Variants in ANK3 observed in about 807,000 individuals in gnomAD.
The protein encoded by ANK3 is ankyrin-3.
A neutral mutation model predicts 370.9 loss-of-function variants in ANK3; 57 were observed. The observed-to-expected ratio is 0.15, with a 90% CI of 0.12 to 0.19. ANK3 has a LOEUF of 0.19. Among genes scored for constraint, ANK3 ranks in the 10% least tolerant of loss-of-function variants. The pLI is 1.00. For missense variants in ANK3, 4,439 were observed against 5,302.1 expected (o/e 0.84, Z 5.06); for synonymous variants, 1,929 against 1,946.3 (o/e 0.99, Z 0.23).
In ANK3 at chr10:60,073,666, A is replaced by G; in HGVS notation, c.7215T>C (p.Ser2405=). 2 of 1,614,058 alleles carry G rather than the reference A, an allele frequency of 1.2e-6. No individual in the cohort carries two copies. The highest frequency in any genetic ancestry group is 1.7e-6 in the Non-Finnish European group (2 of 1,179,986). The change falls in exon 37 of 44, where the codon TCT becomes TCC. Residue 2405 remains serine (S), a synonymous_variant. Transcript: ENST00000280772. ...TGTTTACTCTGGAAGACTCCAGATA[A>G]GAAGGCAATGACTCTTCAGCAGTAA... ...EELTAEESLP[S]YLESSRVNTP...
intron 2 of ANK3, among the ~76,000 whole-genome samples, chr10:60,552,957 G>A (rs1287882646): frequency 6.6e-6 from 1 of 152,184 alleles, no homozygotes; most frequent in Non-Finnish European, 1.5e-5. Flanking sequence ...CATGTAAGAT[G>A]TGACTTGCTC....
intron 2 of ANK3, among the ~76,000 whole-genome samples, chr10:60,526,661 A>G (rs1176410806): frequency 6.6e-6 from 1 of 152,156 alleles, no homozygotes. Context: ...TGCCAAATTA[A>G]TATTTTCTAC....
chr10:60,488,053 A>C (rs1342893109), intron 2 of ANK3, among the ~76,000 whole-genome samples: 1 of 152,284 alleles, frequency 6.6e-6, no homozygotes, highest in Non-Finnish European at 1.5e-5. Flanking sequence ...ACACATATGA[A>C]TAGAAGTCAG....
intron 1 of ANK3, among the ~76,000 whole-genome samples, chr10:60,680,074 T>G (rs58356163): frequency 0.012 from 1,705 of 141,252 alleles, 35 homozygotes; most frequent in African/African-American, 0.042. Context: ...GGCAGAGGCT[T>G]CAGTGAGCCT....
At chr10:60,068,097 A>G (rs1446053614) in intron 37 of ANK3, 88 bp from the exon 38 acceptor site, 1 of 1,163,228 alleles carries the variant, frequency 8.6e-7, no homozygotes, top group Non-Finnish European at 1.3e-6. Context: ...GATTTTACAG[A>G]GAGACTAATG....
At chr10:60,257,828 C>A (rs1489502515) in intron 7 of ANK3, among the ~76,000 whole-genome samples, 1 of 152,132 alleles carries the variant, frequency 6.6e-6, no homozygotes, top group African/African-American at 2.4e-5. Flanking sequence ...ATCCCTAATC[C>A]TTTCAGAGAT....
chr10:60,664,404 A>T (rs991374884), intron 1 of ANK3, among the ~76,000 whole-genome samples: 1 of 152,242 alleles, frequency 6.6e-6, no homozygotes, highest in African/African-American at 2.4e-5. Context: ...CCAAATAAAG[A>T]TATATATGTG....
chr10:60,458,716 T>G (rs889434473), intron 2 of ANK3, among the ~76,000 whole-genome samples: 23 of 152,088 alleles, frequency 1.5e-4, no homozygotes, highest in Non-Finnish European at 2.2e-4. Context: ...TAGCAATGGA[T>G]AGTTTAAGGG....
At chr10:60,712,784 T>C (rs1589064303) in intron 1 of ANK3, among the ~76,000 whole-genome samples, 1 of 152,238 alleles carries the variant, frequency 6.6e-6, no homozygotes, top group Non-Finnish European at 1.5e-5. Flanking sequence ...CATGCTAACA[T>C]GAATCAAATG....
chr10:60,393,814 G>T (rs1362396734), upstream of ANK3, among the ~76,000 whole-genome samples: 1 of 152,046 alleles, frequency 6.6e-6, no homozygotes, highest in African/African-American at 2.4e-5. Flanking sequence ...AGATGACACT[G>T]TCACTTGGGG....
intron 2 of ANK3, among the ~76,000 whole-genome samples, chr10:60,414,877 G>C (rs1197206017): frequency 6.6e-6 from 1 of 152,210 alleles, no homozygotes; most frequent in Non-Finnish European, 1.5e-5. Context: ...AAGGCTGAGA[G>C]GAGGCACTGA....
intron 26 of ANK3, among the ~76,000 whole-genome samples, chr10:60,113,374 T>C (rs2132110279): frequency 6.6e-6 from 1 of 152,192 alleles, no homozygotes; most frequent in East Asian, 1.9e-4. Flanking sequence ...CTGTATCATA[T>C]GAGAAAAAAA....
chr10:60,456,124 A>C (rs980226936), intron 2 of ANK3, among the ~76,000 whole-genome samples: 3 of 152,196 alleles, frequency 2.0e-5, no homozygotes, highest in Admixed American at 6.5e-5. Context: ...CTGTCCTCCC[A>C]ATTAGTGGAA....
intron 2 of ANK3, among the ~76,000 whole-genome samples, chr10:60,610,718 T>A (rs1345275189): frequency 6.6e-6 from 1 of 151,906 alleles, no homozygotes; most frequent in Non-Finnish European, 1.5e-5. Context: ...AGGAAAAAAA[T>A]AAATAAAATG....
chr10:60,323,457 C>T (rs528106197), intron 1 of ANK3, among the ~76,000 whole-genome samples: 1 of 152,188 alleles, frequency 6.6e-6, no homozygotes, highest in Admixed American at 6.5e-5. Context: ...ATTGTGCATT[C>T]CAAAGCAATA....
At position 60,069,888 on chromosome 10, in the gene ANK3, T is replaced by A; in HGVS notation, c.10993A>T (p.Thr3665Ser). The A allele has an allele frequency of 1.1e-5, 17 of 1,614,032 alleles. No homozygotes were observed. Among genetic ancestry groups the A allele is most frequent in the Non-Finnish European group, 1.4e-5 (17 of 1,179,970 alleles). ...TATPQPQSGDTTVETNLERNV... is the reference protein window; with the variant it reads ...TATPQPQSGDSTVETNLERNV... The stretch of plus-strand genomic sequence containing the variant: ...CTCTCTAGATTGGTTTCTACAGTGG[T>A]GTCCCCTGACTGTGGCTGTGGTGTG... Residue 3665 changes from threonine (T) to serine (S), a missense_variant, in exon 37 of 44, where the codon ACC becomes TCC. Around this residue, in one of 13 missense-constraint regions of ANK3, gnomAD observed 496 missense variants for 529.3 expected, o/e 0.94. Coordinates refer to ENST00000280772, the MANE Select transcript of ANK3 (RefSeq NM_020987.5).
intron 1 of ANK3, among the ~76,000 whole-genome samples, chr10:60,380,563 T>C (rs2061420239): frequency 1.3e-5 from 2 of 152,182 alleles, no homozygotes; most frequent in African/African-American, 2.4e-5. Flanking sequence ...CCATGAAGAT[T>C]CAATACAATG....
At chr10:60,238,367 G>A (rs2097366663) in intron 7 of ANK3, among the ~76,000 whole-genome samples, 1 of 152,132 alleles carries the variant, frequency 6.6e-6, no homozygotes, top group South Asian at 2.1e-4. Context: ...ATGCTTGCTA[G>A]AATGCAATTT....
At chr10:60,155,967 C>A (rs759983949) in intron 23 of ANK3, among the ~76,000 whole-genome samples, 1 of 152,336 alleles carries the variant, frequency 6.6e-6, no homozygotes, top group South Asian at 2.1e-4. Flanking sequence ...GCCTTCCTGG[C>A]TCCTCAGCTT....
Sources: allele counts gnomAD v4.1 joint callset (sites outside exome capture counted in the v4.1 genomes callset), GRCh38; gene constraint gnomAD v4.1.1; regional missense constraint gnomAD v4.1.1; transcripts MANE v1.5; gene names NCBI Gene and HGNC (gene_info 2026-07-23, HGNC 2026-07-21).